The following RBM4 variants were observed in gnomAD, a reference collection of about 807,000 sequenced individuals.
RBM4 encodes the protein RNA binding motif protein 4.
RBM4 carries 7 observed loss-of-function variants against 29.5 expected under a neutral mutation model. The observed-to-expected ratio is 0.24, with a 90% CI of 0.14 to 0.45. RBM4 has a LOEUF of 0.45. Ranked by LOEUF, RBM4 falls within the 20% of genes least tolerant of loss-of-function variation. The pLI, the probability that RBM4 is intolerant of heterozygous loss-of-function variation, is 1.00. For missense variants in RBM4, 387 were observed against 502.3 expected (o/e 0.77, Z 2.19); for synonymous variants, 220 against 205.4 (o/e 1.07, Z -0.61).
At chr11:66,651,862 A>G (rs1048402275) in intron 2 of RBM4, among the ~76,000 whole-genome samples, 1 of 152,142 alleles carries the variant, frequency 6.6e-6, no homozygotes, top group Admixed American at 6.6e-5. Context: ...TAAGGGCACA[A>G]ATCCCATTGA....
chr11:66,642,235 A>C lies in RBM4; in HGVS notation c.413-1215A>C, dbSNP rs146311180. Among the ~76,000 whole-genome samples the C allele has an allele frequency of 1.7e-3, 254 of 152,266 alleles. 3 individuals are homozygous for C. Among genetic ancestry groups the C allele is most frequent in the African/African-American group, 5.8e-3 (242 of 41,538 alleles). On this transcript the variant is annotated intron_variant, in intron 2 of 3. Coordinates refer to ENST00000310092, the MANE Select transcript of RBM4 (RefSeq NM_002896.4). ...TTGCAAGGAAAATTGTGTGTTTACC[A>C]CTTTCTCTAATGTTAGAGGATCCAT...
At chr11:66,652,114 AATT>A (rs1183969774) in intron 2 of RBM4, among the ~76,000 whole-genome samples, 1 of 149,836 alleles carries the variant, frequency 6.7e-6, no homozygotes, top group Admixed American at 6.7e-5. Flanking sequence ...GAAATGAAAA[AATT>A]TTTTTTTTTT....
At chr11:66,640,388 C>A (rs1249687742) in intron 2 of RBM4, 1 of 545,750 alleles carries the variant, frequency 1.8e-6, no homozygotes, top group Non-Finnish European at 3.2e-6. Context: ...AAACCCTTTT[C>A]TTTGAAGGCT....
At chr11:66,668,259 A>G (rs1939319824) in exon 3 of RBM4, 1 of 184,688 alleles carries the variant, frequency 5.4e-6, no homozygotes, top group Admixed American at 5.3e-5. Flanking sequence ...AAAGAATAAA[A>G]TATTTCAGTC....
At chr11:66,651,780 C>T (rs778610791) in intron 2 of RBM4, among the ~76,000 whole-genome samples, 4 of 152,112 alleles carry the variant, frequency 2.6e-5, no homozygotes, top group Admixed American at 1.3e-4. Context: ...CCGTGGCAGA[C>T]GTGGTGTCTG....
intron 2 of RBM4, among the ~76,000 whole-genome samples, chr11:66,652,859 C>T (rs1938861385): frequency 6.6e-6 from 1 of 152,310 alleles, no homozygotes; most frequent in African/African-American, 2.4e-5. Context: ...ACCCCACCCG[C>T]ACCCCCACCA....
exon 3 of RBM4, chr11:66,665,892 G>A: frequency 6.5e-7 from 1 of 1,535,216 alleles, no homozygotes; most frequent in Non-Finnish European, 8.7e-7. Flanking sequence ...TACTGTTGCT[G>A]TAACAAAGGG....
exon 3 of RBM4, chr11:66,666,662 T>C (rs1939242076): frequency 6.5e-6 from 1 of 153,942 alleles, no homozygotes; most frequent in Non-Finnish European, 1.4e-5. Flanking sequence ...TCTGATAGAT[T>C]TATACCAGCT....
downstream of RBM4, among the ~76,000 whole-genome samples, chr11:66,647,294 T>C (rs1388107790): frequency 6.6e-6 from 1 of 152,228 alleles, no homozygotes; most frequent in Non-Finnish European, 1.5e-5. Flanking sequence ...GTTATGATGA[T>C]GGGGAGATAA....
intron 1 of RBM4, 185 bp from the exon 2 acceptor site, chr11:66,639,515 G>A: frequency 1.4e-6 from 1 of 734,302 alleles, no homozygotes; most frequent in Middle Eastern, 3.9e-4. Flanking sequence ...ATTCTTACAG[G>A]TTCATGGCGG....
downstream of RBM4, among the ~76,000 whole-genome samples, chr11:66,649,151 C>A (rs929391683): frequency 5.9e-5 from 9 of 152,074 alleles, no homozygotes; most frequent in African/African-American, 2.2e-4. Flanking sequence ...GGATTACAGG[C>A]GCCTGCCACC....
chr11:66,642,809 G>A (rs1214907235), intron 2 of RBM4, among the ~76,000 whole-genome samples: 1 of 152,160 alleles, frequency 6.6e-6, no homozygotes, highest in East Asian at 1.9e-4. Context: ...TTAAAGCAAT[G>A]ATCAGAACCA....
At chr11:66,658,337 C>CTTTTTTTTTTTTTT (rs35133059) in intron 2 of RBM4, among the ~76,000 whole-genome samples, 17 of 50,462 alleles carry the variant, frequency 3.4e-4, no homozygotes, top group Admixed American at 3.9e-4. Context: ...CTAGTCTGAC[C>CTTTTTTTTTTTTTT]TTTTTTTTTT....
At chr11:66,658,632 A>G (rs1939007430) in intron 2 of RBM4, among the ~76,000 whole-genome samples, 1 of 151,770 alleles carries the variant, frequency 6.6e-6, no homozygotes, top group Admixed American at 6.6e-5. Flanking sequence ...CCAAATACCT[A>G]TGGGATTTAA....
chr11:66,649,903 G>T, downstream of RBM4: 1 of 557,504 alleles, frequency 1.8e-6, no homozygotes. Context: ...CAAGAGTAAT[G>T]CTTTAATAAA....
intron 2 of RBM4, among the ~76,000 whole-genome samples, chr11:66,655,510 G>A (rs1239417982): frequency 3.3e-5 from 5 of 151,956 alleles, no homozygotes; most frequent in Non-Finnish European, 7.4e-5. Context: ...TTGAACTCCT[G>A]GGCTCAAGCG....
intron 2 of RBM4, among the ~76,000 whole-genome samples, chr11:66,656,018 T>G (rs921459034): frequency 6.6e-6 from 1 of 152,168 alleles, no homozygotes; most frequent in Non-Finnish European, 1.5e-5. Context: ...TTGCCCAGGC[T>G]GGAGTGCAAT....
intron 2 of RBM4, among the ~76,000 whole-genome samples, chr11:66,657,735 C>T (rs1226563730): frequency 6.6e-6 from 1 of 151,688 alleles, no homozygotes; most frequent in Admixed American, 6.6e-5. Context: ...CCTCGCCTGC[C>T]CCCTCCCCCA....
At chr11:66,662,492 C>T (rs1447527976) in intron 2 of RBM4, among the ~76,000 whole-genome samples, 1 of 152,014 alleles carries the variant, frequency 6.6e-6, no homozygotes, top group Non-Finnish European at 1.5e-5. Context: ...ACCTCTGCCT[C>T]CTGGGTTCAA....
Sources: allele counts gnomAD v4.1 joint callset (sites outside exome capture counted in the v4.1 genomes callset), GRCh38; gene constraint gnomAD v4.1.1; transcripts MANE v1.5; gene names NCBI Gene and HGNC (gene_info 2026-07-23, HGNC 2026-07-21).